Variants in NTN5 observed in about 807,000 individuals in gnomAD.
NTN5 encodes the protein netrin 5, also known as netrin-5.
In NTN5, 42 loss-of-function variants were observed where a neutral mutation model predicts 38.7. The observed-to-expected ratio is 1.08, with a 90% CI of 0.85 to 1.40. NTN5 has a LOEUF of 1.40. NTN5 is among the 40% of genes most tolerant of loss of function. The pLI is 0.00. For missense variants in NTN5, 658 were observed against 716.5 expected, an observed-to-expected ratio of 0.92 and a Z score of 0.93; for synonymous variants, 329 against 303.9, an observed-to-expected ratio of 1.08 and a Z score of -0.86.
At chr19:48,669,807 T>C (rs926273369) in intron 2 of NTN5, among the ~76,000 whole-genome samples, 105 of 41,274 alleles carry the variant, frequency 2.5e-3, no homozygotes, top group Middle Eastern at 0.026. Flanking sequence ...ATCACCACCA[T>C]CATCACCATC....
rs756434952 is a variant in NTN5 at position 48,661,682 on chromosome 19, G to C, written c.1465C>G (p.His489Asp). The C allele has an allele frequency of 7.7e-6, 12 of 1,548,982 alleles. No individual in the cohort carries two copies. Among genetic ancestry groups the C allele is most frequent in the Non-Finnish European group, 1.0e-5 (12 of 1,158,198 alleles). Residue 489 changes from histidine (H) to aspartate (D), a missense_variant, in exon 7 of 7, where the codon CAC becomes GAC. Transcript: ENST00000270235. ...RAPTPSPRPE[H>D] ...GAGGCAGCCCCATCTCACGTCTAGT[G>C]CTCCGGCCTGGGACTGGGTGTGGGT...
chr19:48,669,008 TATCACCACC>T (rs1366014642), intron 2 of NTN5, among the ~76,000 whole-genome samples: 2 of 72,502 alleles, frequency 2.8e-5, no homozygotes, highest in African/African-American at 1.1e-4. Context: ...TCATCACCAC[TATCACCACC>T]ATCATCACCA....
intron 2 of NTN5, among the ~76,000 whole-genome samples, chr19:48,669,606 CCAT>C (rs2031852858): frequency 1.5e-3 from 4 of 2,722 alleles, no homozygotes; most frequent in African/African-American, 2.9e-3. Context: ...ACCACCACCA[CCAT>C]CATCACCACC....
At position 48,670,549 on chromosome 19, in the gene NTN5, G is replaced by C; in HGVS notation, c.438C>G (p.Ala146=). The change falls in exon 2 of 7, where the codon GCC becomes GCG. Residue 146 remains alanine (A), a synonymous_variant. Transcript: ENST00000270235. ...SHLRVEFGGQ[A]GLAAAGLRGR... ...CTCTCAGCCCAGCTGCCGCTAGCCC[G>C]GCCTGGCCCCCAAACTCCACACGGA... is the stretch of plus-strand genomic sequence containing the variant. The C allele has an allele frequency of 6.6e-7, 1 of 1,518,514 alleles. No homozygotes were observed. The highest frequency in any genetic ancestry group is 8.8e-7 in the Non-Finnish European group (1 of 1,131,126). 94.1% of individuals were successfully genotyped at this position (1,518,514 alleles called of 1,614,324 possible).
intron 3 of NTN5, 115 bp downstream of exon 3, chr19:48,664,464 C>T (rs1273662513): frequency 3.4e-5 from 46 of 1,337,976 alleles, no homozygotes; most frequent in Non-Finnish European, 4.2e-5. Context: ...AGTCCAGGCC[C>T]CCAGCCCCTC....
At chr19:48,665,775 C>T (rs567596778) in intron 2 of NTN5, among the ~76,000 whole-genome samples, 5 of 151,564 alleles carry the variant, frequency 3.3e-5, no homozygotes, top group African/African-American at 4.9e-5. Context: ...GCCGAGATCA[C>T]GCCACTGCAC....
intron 6 of NTN5, chr19:48,662,969 T>C (rs895949261): frequency 2.7e-5 from 8 of 292,320 alleles, no homozygotes; most frequent in Admixed American, 2.5e-4. Context: ...TGGGCCGAAC[T>C]CCTGAGTGTC....
At chr19:48,664,907 T>C in intron 2 of NTN5, 140 bp from the exon 3 acceptor site, 1 of 644,392 alleles carries the variant, frequency 1.6e-6, no homozygotes, top group South Asian at 3.1e-5. Context: ...TCCCAGGACA[T>C]CTCTATTATT....
intron 5 of NTN5, 43 bp from the exon 6 acceptor site, chr19:48,663,586 G>A (rs779131182): frequency 3.1e-6 from 5 of 1,589,398 alleles, no homozygotes; most frequent in East Asian, 2.2e-5. Flanking sequence ...CTGGGGCCTA[G>A]ACCACAGCCT....
At chr19:48,669,525 C>T (rs1201916230) in intron 2 of NTN5, among the ~76,000 whole-genome samples, 28 of 50,900 alleles carry the variant, frequency 5.5e-4, no homozygotes, top group Middle Eastern at 8.8e-3. Flanking sequence ...ACCACCACCA[C>T]CATCACCACC....
At chr19:48,669,052 TCACCATCACCACCAC>T (rs2031783961) in intron 2 of NTN5, among the ~76,000 whole-genome samples, 2 of 108,648 alleles carry the variant, frequency 1.8e-5, no homozygotes, top group East Asian at 3.1e-4. Flanking sequence ...ACCACCACCA[TCACCATCACCACCAC>T]CACCACTATC....
intron 4 of NTN5, 70 bp downstream of exon 4, chr19:48,664,073 G>A (rs982527867): frequency 1.3e-6 from 2 of 1,508,560 alleles, no homozygotes; most frequent in African/African-American, 2.8e-5. Flanking sequence ...CACTGCAGCT[G>A]TGCACTGGAG....
chr19:48,662,082 T>A, intron 6 of NTN5, 41 bp from the exon 7 acceptor site: 1 of 1,408,366 alleles, frequency 7.1e-7, no homozygotes, highest in East Asian at 3.0e-5. Flanking sequence ...GTGGGGAGCT[T>A]CCAGGGTACC....
intron 4 of NTN5, 149 bp from the exon 5 acceptor site, chr19:48,663,963 C>G: frequency 8.8e-7 from 1 of 1,133,796 alleles, no homozygotes. Context: ...GGCCCCAAGC[C>G]TCCTTTTCCT....
chr19:48,663,644 A>T, intron 5 of NTN5, 101 bp from the exon 6 acceptor site: 1 of 1,512,970 alleles, frequency 6.6e-7, no homozygotes, highest in African/African-American at 1.4e-5. Flanking sequence ...CAGCTGGGGT[A>T]CCCAAACCTT....
rs567483941 is a variant in NTN5, at chr19:48,664,006, G to A, written c.970+137C>T. 2,666 of 1,240,546 alleles carry A rather than the reference G, an allele frequency of 2.1e-3. 11 individuals carry two copies. Among genetic ancestry groups the A allele is most frequent in the Non-Finnish European group, 2.6e-3 (2,389 of 904,440 alleles). The allele number at this position is 1,240,546 out of a possible 1,614,324, so 76.8% of individuals were successfully genotyped here. A position where few individuals can be genotyped will look rare whatever the true frequency, so the allele number is the denominator to read the frequency against. On this transcript the variant is annotated intron_variant, in intron 4 of 6. Transcript: ENST00000270235. ...CCAGAATTTCAGTCCCTGCTTATCCGAGGGCCCAGAGTCCAGCCTCCAGCC... is the reference window on the plus strand; with the variant it reads ...CCAGAATTTCAGTCCCTGCTTATCCAAGGGCCCAGAGTCCAGCCTCCAGCC...
At position 48,661,726 on chromosome 19, in the gene NTN5, C is replaced by A; in HGVS notation, c.1421G>T (p.Gly474Val). 1 of 1,549,840 alleles carries A rather than the reference C, an allele frequency of 6.5e-7. No individual in the cohort carries two copies. Among genetic ancestry groups the A allele is most frequent in the Non-Finnish European group, 8.6e-7 (1 of 1,158,204 alleles). ...KRLQQEERAG[G>V]CRGVRAPTPS... ...TGTGGGTGCCCGCACGCCGCGGCAG[C>A]CTCCGGCGCGCTCCTCCTGCTGCAG... Residue 474 changes from glycine (G) to valine (V), a missense_variant, in exon 7 of 7, where the codon GGC (glycine) becomes GTC (valine). Transcript: ENST00000270235.
At position 48,670,814 on chromosome 19, in the gene NTN5, C is replaced by T. The variant is rs761820771; in HGVS notation, c.173G>A (p.Arg58Lys). 1 of 1,613,016 alleles carries T rather than the reference C, an allele frequency of 6.2e-7. No homozygotes were observed. Among genetic ancestry groups the T allele is most frequent in the African/African-American group, 1.3e-5 (1 of 74,942 alleles). Reference sequence around the variant, plus strand: ...AGTCAGGCTGCCATTGCAGGTTTCCCTGGCGCCAAGGTGGTTTCCTGGGGA... The same window carrying T: ...AGTCAGGCTGCCATTGCAGGTTTCCTTGGCGCCAAGGTGGTTTCCTGGGGA... Reference protein sequence around the residue: ...ALSPGNHLGARETCNGSLTLA... With the variant: ...ALSPGNHLGAKETCNGSLTLA... Residue 58 changes from arginine to lysine, a missense_variant, in exon 2 of 7, where the codon AGG (arginine) becomes AAG (lysine). By Grantham distance (26) the Arg-to-Lys change is conservative. Transcript: ENST00000270235.
rs1450533573 is a variant in NTN5, at chr19:48,665,661, A to C, written c.632-894T>G. Reference sequence around the variant, plus strand: ...CGTGGTGAAACCGTCTCTACTAAAAATACAAAAATTAGCTGGGCGTGGTGG... The same window carrying C: ...CGTGGTGAAACCGTCTCTACTAAAACTACAAAAATTAGCTGGGCGTGGTGG... On this transcript the variant is annotated intron_variant, in intron 2 of 6. Transcript: ENST00000270235. Among the ~76,000 whole-genome samples, 9 of 151,974 alleles carry C rather than the reference A, an allele frequency of 5.9e-5. No homozygotes were observed. In the East Asian group the frequency reaches 1.7e-3, roughly 29 times the overall value.
Sources: allele counts gnomAD v4.1 joint callset (sites outside exome capture counted in the v4.1 genomes callset), GRCh38; gene constraint gnomAD v4.1.1; transcripts MANE v1.5; gene names NCBI Gene and HGNC (gene_info 2026-07-23, HGNC 2026-07-21).